The following SNX18 variants were observed in gnomAD, a reference collection of about 807,000 sequenced individuals.
SNX18 encodes sorting nexin 18, also known as sorting nexin-18.
SNX18 carries 35 observed loss-of-function variants against 48.7 expected under a neutral mutation model. The observed-to-expected ratio is 0.72, with a 90% CI of 0.55 to 0.95. The LOEUF (loss-of-function observed/expected upper bound fraction) is 0.95, where lower values mean the gene tolerates loss of function less well. Among genes scored for constraint, SNX18 ranks in the 40% least tolerant of loss-of-function variants. The pLI, the probability that SNX18 is intolerant of heterozygous loss-of-function variation, is 0.00. For synonymous variants in SNX18, 492 were observed against 384.7 expected, an observed-to-expected ratio of 1.28 and a Z score of -3.26; for missense variants, 824 against 871.0, an observed-to-expected ratio of 0.95 and a Z score of 0.68.
the SNX18 span, among the ~76,000 whole-genome samples, chr5:54,596,231 T>A: frequency 5.9e-5 from 1 of 16,852 alleles, no homozygotes. Flanking sequence ...ACGCTTTTCT[T>A]ATGATGTTAT....
At chr5:54,554,094 G>A in the SNX18 span, among the ~76,000 whole-genome samples, 1 of 152,156 alleles carries the variant, frequency 6.6e-6, no homozygotes, top group Admixed American at 6.5e-5. Context: ...CCACCAGATT[G>A]CCCTTGGCAA....
the SNX18 span, among the ~76,000 whole-genome samples, chr5:54,606,797 G>A: frequency 6.6e-6 from 1 of 152,052 alleles, no homozygotes; most frequent in Non-Finnish European, 1.5e-5. Context: ...ATCTTTTTCA[G>A]ATTTTCCCAG....
At chr5:54,643,124 G>A in the SNX18 span, among the ~76,000 whole-genome samples, 1 of 152,082 alleles carries the variant, frequency 6.6e-6, no homozygotes, top group Non-Finnish European at 1.5e-5. Flanking sequence ...TCCCAACCTC[G>A]TTTCTCGTGG....
chr5:54,626,908 T>C, the SNX18 span, among the ~76,000 whole-genome samples: 1 of 152,218 alleles, frequency 6.6e-6, no homozygotes, highest in Non-Finnish European at 1.5e-5. Context: ...GTAGAACATG[T>C]TGCTTGGAGG....
At chr5:54,579,010 C>T in the SNX18 span, among the ~76,000 whole-genome samples, 1 of 152,106 alleles carries the variant, frequency 6.6e-6, no homozygotes, top group African/African-American at 2.4e-5. Context: ...GTTTGTTCAT[C>T]TTTCCTAACT....
chr5:54,631,631 C>A, the SNX18 span, among the ~76,000 whole-genome samples: 1 of 151,980 alleles, frequency 6.6e-6, no homozygotes, highest in South Asian at 2.1e-4. Context: ...CTTTGCCTCT[C>A]AAGAGGAGAC....
At chr5:54,625,970 GA>G in the SNX18 span, among the ~76,000 whole-genome samples, 10 of 152,286 alleles carry the variant, frequency 6.6e-5, no homozygotes, top group South Asian at 2.1e-3. Context: ...ACCAAAAGAT[GA>G]AAATGAAATA....
intron 1 of SNX18, among the ~76,000 whole-genome samples, chr5:54,535,167 A>G (rs1276706865): frequency 1.3e-5 from 2 of 152,234 alleles, no homozygotes; most frequent in African/African-American, 4.8e-5. Context: ...TATTATAAAC[A>G]AAGACATAGT....
intron 1 of SNX18, among the ~76,000 whole-genome samples, chr5:54,522,850 T>C (rs2059215): frequency 0.52 from 79,312 of 151,984 alleles, 20,925 homozygotes; most frequent in Non-Finnish European, 0.55. Context: ...ATGGTTTTAG[T>C]GTACATACTT....
chr5:54,641,787 G>C, the SNX18 span, among the ~76,000 whole-genome samples: 1 of 152,160 alleles, frequency 6.6e-6, no homozygotes, highest in Non-Finnish European at 1.5e-5. Flanking sequence ...CATGGGTGCT[G>C]AATGTGTGTA....
chr5:54,548,134 G>A (rs1356546076), downstream of SNX18, among the ~76,000 whole-genome samples: 1 of 152,184 alleles, frequency 6.6e-6, no homozygotes, highest in Non-Finnish European at 1.5e-5. Context: ...ATCCCAGGAT[G>A]TCTCAATCCT....
the SNX18 span, among the ~76,000 whole-genome samples, chr5:54,555,330 C>T: frequency 2.6e-5 from 4 of 151,936 alleles, no homozygotes; most frequent in Non-Finnish European, 5.9e-5. Context: ...CAGTTGGCTT[C>T]TTTTCTCTCC....
chr5:54,519,682 A>C, intron 1 of SNX18, 109 bp downstream of exon 1: 1 of 1,614,194 alleles, frequency 6.2e-7, no homozygotes, highest in East Asian at 2.2e-5. Context: ...TCTACAGGTG[A>C]GGAAGCGAGC....
chr5:54,527,042 G>A (rs1310124015), intron 1 of SNX18, among the ~76,000 whole-genome samples: 1 of 152,026 alleles, frequency 6.6e-6, no homozygotes, highest in African/African-American at 2.4e-5. Flanking sequence ...GAACAGCAAG[G>A]CCAGGTGGTT....
chr5:54,580,031 T>C, the SNX18 span, among the ~76,000 whole-genome samples: 1 of 152,106 alleles, frequency 6.6e-6, no homozygotes, highest in Admixed American at 6.5e-5. Flanking sequence ...AATATGTCCA[T>C]ACAGTCTGGC....
At chr5:54,599,911 A>AG in the SNX18 span, among the ~76,000 whole-genome samples, 15 of 152,234 alleles carry the variant, frequency 9.9e-5, no homozygotes, top group African/African-American at 3.6e-4. Context: ...AATACCATAC[A>AG]GGACAGAGGC....
At chr5:54,532,647 A>G (rs779516610) in intron 1 of SNX18, among the ~76,000 whole-genome samples, 21 of 152,158 alleles carry the variant, frequency 1.4e-4, no homozygotes, top group Non-Finnish European at 2.2e-4. Context: ...CCATACCCAA[A>G]AACACTTCTC....
the SNX18 span, among the ~76,000 whole-genome samples, chr5:54,614,902 A>G: frequency 0.066 from 10,001 of 152,252 alleles, 428 homozygotes; most frequent in East Asian, 0.17. Context: ...CGTACACACT[A>G]ACTTAAACTT....
rs1434948345 is a variant in SNX18 at position 54,518,489 on chromosome 5, C to T, written c.537C>T (p.Leu179=). The change falls in exon 1 of 2, where the codon CTC becomes CTT. Residue 179 remains leucine (L), a synonymous_variant. Transcript: ENST00000381410. ...TGGGCAGCGGAGCATACCCGGACCTCGACGGCTCGTCTTCGGCGGGTGTGG... is the reference window on the plus strand; with the variant it reads ...TGGGCAGCGGAGCATACCCGGACCTTGACGGCTCGTCTTCGGCGGGTGTGG... The part of the protein sequence containing the change: ...GALGSGAYPD[L]DGSSSAGVGA... 4 of 1,570,406 alleles carry T rather than the reference C, an allele frequency of 2.5e-6. No individual in the cohort carries two copies. Among genetic ancestry groups the T allele is most frequent in the East Asian group, 4.7e-5 (2 of 42,196 alleles).
Sources: allele counts gnomAD v4.1 joint callset (sites outside exome capture counted in the v4.1 genomes callset), GRCh38; gene constraint gnomAD v4.1.1; transcripts MANE v1.5; gene names NCBI Gene and HGNC (gene_info 2026-07-23, HGNC 2026-07-21).